DCUN1D2: variants seen among roughly 807,000 people sequenced by gnomAD.
The protein encoded by DCUN1D2 is defective in cullin neddylation 1 domain containing 2.
A neutral mutation model predicts 30.9 loss-of-function variants in DCUN1D2; 29 were observed. The observed-to-expected ratio is 0.94, with a 90% CI of 0.70 to 1.28. The LOEUF is 1.28. Ranked by LOEUF, DCUN1D2 falls within the 50% of genes most tolerant of loss-of-function variation. The pLI is 0.00. For synonymous variants in DCUN1D2, 121 were observed against 115.3 expected, an observed-to-expected ratio of 1.05 and a Z score of -0.32; for missense variants, 325 against 316.9, an observed-to-expected ratio of 1.03 and a Z score of -0.19.
chr13:113,490,714 AGGCGCGGCGGC>A, upstream of DCUN1D2: 1 of 1,193,778 alleles, frequency 8.4e-7, no homozygotes, highest in Middle Eastern at 3.4e-4. This position sits in a 1 kb window ranked among gnomAD's most constrained non-coding sequence, Gnocchi z 5.2. Flanking sequence ...CCTTCTGCGC[AGGCGCGGCGGC>A]GGCTCCGCCC....
chr13:113,480,701 T>G lies in DCUN1D2; in HGVS notation c.263A>C (p.Gln88Pro), dbSNP rs767490161. The change falls in exon 3 of 7, where the codon CAG becomes CCG. Residue 88 changes from glutamine (Q) to proline (P), a missense_variant. Physicochemically the swap from Gln to Pro is moderately conservative, Grantham distance 76. Transcript: ENST00000478244. ...ENKIGVDGIQ[Q>P]FCDDLSLDPA... ...ATCCAGGCTCAGATCATCACAAAAC[T>G]GTTGAATCCCATCGACTCCAATTTT... 6 of 1,614,110 alleles carry G rather than the reference T, an allele frequency of 3.7e-6. No homozygotes were observed. The Admixed American group carries it at 8.3e-5, about 22-fold the overall frequency.
intron 4 of DCUN1D2, among the ~76,000 whole-genome samples, chr13:113,468,615 T>C (rs9549803): frequency 0.25 from 37,208 of 151,318 alleles, 5,358 homozygotes; most frequent in South Asian, 0.43. Context: ...TCCATCAACC[T>C]CTCCTTCAGA....
chr13:113,487,168 TG>T (rs1273289817), intron 1 of DCUN1D2, among the ~76,000 whole-genome samples: 2 of 152,226 alleles, frequency 1.3e-5, no homozygotes, highest in African/African-American at 4.8e-5. Context: ...AGTCTTTTTA[TG>T]AAGTTGACAG....
At chr13:113,480,150 C>T (rs1384510724) in intron 3 of DCUN1D2, among the ~76,000 whole-genome samples, 1 of 152,146 alleles carries the variant, frequency 6.6e-6, no homozygotes, top group African/African-American at 2.4e-5. Context: ...AAGCCTTTAT[C>T]CCAATCCTGT....
intron 1 of DCUN1D2, among the ~76,000 whole-genome samples, chr13:113,489,789 A>C (rs1014528008): frequency 1.3e-5 from 2 of 151,858 alleles, no homozygotes; most frequent in Non-Finnish European, 2.9e-5. Context: ...TTTCCAGAGA[A>C]ATTCTCCACA....
chr13:113,490,812 G>T, upstream of DCUN1D2: 1 of 717,954 alleles, frequency 1.4e-6, no homozygotes, highest in Non-Finnish European at 1.8e-6. The surrounding 1 kb of genome is among the most constrained non-coding windows in gnomAD (Gnocchi z 5.2). Flanking sequence ...CTCCCGGCAT[G>T]CTCAGCGCCG....
In DCUN1D2 at chr13:113,488,317, G is replaced by C. The variant is rs1264091112; in HGVS notation, c.3+2350C>G. Among the ~76,000 whole-genome samples, 2 of 152,218 alleles carry C rather than the reference G, an allele frequency of 1.3e-5. No individual in the cohort carries two copies. The highest frequency in any genetic ancestry group is 2.9e-5 in the Non-Finnish European group (2 of 68,048). On this transcript the variant is annotated intron_variant, in intron 1 of 6. Coordinates refer to ENST00000478244, the MANE Select transcript of DCUN1D2 (RefSeq NM_001014283.2). This position sits in a 1 kb window ranked among gnomAD's most constrained non-coding sequence, Gnocchi z 4.3. ...GGAGCAAGAGAAGCTTTGGGGTCTA[G>C]GCTTAGTCCATTAACAGGCCTCTGG...
Position 113,488,435 on chromosome 13 carries a change from A to G in DCUN1D2, c.3+2232T>C, listed in dbSNP as rs1456015085. On this transcript the variant is annotated intron_variant, in intron 1 of 6. Transcript: ENST00000478244. The surrounding 1 kb of genome is among the most constrained non-coding windows in gnomAD (Gnocchi z 4.3). ...AAAGCAATGATCGATAGCTAAGTCT[A>G]AAGACTAGGTGCTTCATGTCCAAAA... 6.6e-6 allele frequency among the ~76,000 whole-genome samples: 1 copy of G among 152,252 alleles called. No individual in the cohort carries two copies. Among genetic ancestry groups the G allele is most frequent in the African/African-American group, 2.4e-5 (1 of 41,470 alleles).
rs562921445 is a variant in DCUN1D2, at chr13:113,481,684, G to A, written c.221-941C>T. 1.9e-4 allele frequency among the ~76,000 whole-genome samples: 29 copies of A among 152,188 alleles called. 2 individuals carry two copies. In the South Asian group the frequency reaches 2.5e-3, roughly 13 times the overall value. On this transcript the variant is annotated intron_variant, in intron 2 of 6. Transcript: ENST00000478244. ...GGATCACCTGAGCTCAGGAGTTCAAGACCAGCCTGGCCAACATGGCGAAAC... is the reference window on the plus strand; with the variant it reads ...GGATCACCTGAGCTCAGGAGTTCAAAACCAGCCTGGCCAACATGGCGAAAC...
At chr13:113,467,247 G>GT (rs1365520875) in intron 4 of DCUN1D2, among the ~76,000 whole-genome samples, 1 of 152,174 alleles carries the variant, frequency 6.6e-6, no homozygotes, top group East Asian at 1.9e-4. Context: ...CCCGTTTACT[G>GT]TATCTCTAGG....
Position 113,464,219 on chromosome 13 carries a change from T to G in DCUN1D2, c.521-3083A>C, listed in dbSNP as rs9604120. ...AAAACCAGTAATGCTTCCCATCCTATAGTGAATGATTCTGACAAACATTTC... is the reference window on the plus strand; with the variant it reads ...AAAACCAGTAATGCTTCCCATCCTAGAGTGAATGATTCTGACAAACATTTC... On this transcript the variant is annotated intron_variant, in intron 4 of 6. Transcript: ENST00000478244. Among the ~76,000 whole-genome samples the G allele has an allele frequency of 7.1e-3, 1,083 of 152,336 alleles. 9 individuals are homozygous for G. Among genetic ancestry groups the G allele is most frequent in the African/African-American group, 0.025 (1,038 of 41,568 alleles).
chr13:113,490,851 AC>A, upstream of DCUN1D2: 1 of 376,880 alleles, frequency 2.7e-6, no homozygotes. This position sits in a 1 kb window ranked among gnomAD's most constrained non-coding sequence, Gnocchi z 5.2. Flanking sequence ...CTCGCGCCCC[AC>A]AGCCCCTGCG....
chr13:113,471,973 G>A (rs923484773), intron 4 of DCUN1D2, among the ~76,000 whole-genome samples: 2 of 152,146 alleles, frequency 1.3e-5, no homozygotes, highest in African/African-American at 2.4e-5. Context: ...CTGTGTGCCT[G>A]GAAAACAAAG....
At chr13:113,459,211 C>T (rs186576238) in intron 6 of DCUN1D2, 101 bp downstream of exon 6, 36 of 711,522 alleles carry the variant, frequency 5.1e-5, no homozygotes, top group Admixed American at 4.4e-4. Flanking sequence ...ATTATGACCA[C>T]GCCCATCTCA....
intron 4 of DCUN1D2, chr13:113,463,132 A>T: frequency 6.0e-6 from 1 of 165,396 alleles, no homozygotes; most frequent in South Asian, 1.4e-4. Flanking sequence ...ACAACAACTC[A>T]GAATGGCAGG....
intron 1 of DCUN1D2, among the ~76,000 whole-genome samples, chr13:113,486,507 A>T (rs932860479): frequency 1.3e-5 from 2 of 152,174 alleles, no homozygotes; most frequent in Non-Finnish European, 2.9e-5. Flanking sequence ...GAAAACAAAA[A>T]ACAAACCCAA....
At chr13:113,486,199 G>T (rs1439206158) in intron 1 of DCUN1D2, among the ~76,000 whole-genome samples, 1 of 151,898 alleles carries the variant, frequency 6.6e-6, no homozygotes, top group East Asian at 1.9e-4. Context: ...GTCCTTTGCA[G>T]CAACATGGAT....
Position 113,458,108 on chromosome 13 carries a change from C to A in DCUN1D2, c.701G>T (p.Gly234Val). 6.2e-7 allele frequency: 1 copy of A among 1,614,024 alleles called. No individual in the cohort carries two copies. The highest frequency in any genetic ancestry group is 1.1e-5 in the South Asian group (1 of 91,076). Residue 234 changes from glycine (G) to valine (V), a missense_variant and splice_region_variant, in exon 7 of 7, where the codon GGA becomes GTA. Physicochemically the swap from Gly to Val is moderately radical, Grantham distance 109. Coordinates refer to ENST00000478244, the MANE Select transcript of DCUN1D2 (RefSeq NM_001014283.2). ...ATCATCTATAAGAACGGGCCAAGCTCCTAAAGGAAAGCAAGCAAACAGAAA... is the reference window on the plus strand; with the variant it reads ...ATCATCTATAAGAACGGGCCAAGCTACTAAAGGAAAGCAAGCAAACAGAAA... ...ADDMSNYDEE[G>V]AWPVLIDDFV... is the part of the protein sequence containing the mutation.
chr13:113,483,949 T>TA lies in DCUN1D2; in HGVS notation c.110dup (p.Asp38ArgfsTer41), dbSNP rs2044756310. ...GGAAGAAGCTGTCCGTGGCCTCGTC[T>TA]AGTCTCCACTCATTCTGCGTTAAGC... On this transcript the variant is annotated frameshift_variant, in exon 2 of 7. Coordinates refer to ENST00000478244, the MANE Select transcript of DCUN1D2 (RefSeq NM_001014283.2). LOFTEE classifies it high-confidence loss of function. The TA allele has an allele frequency of 6.2e-7, 1 of 1,614,228 alleles. No individual in the cohort carries two copies. The highest frequency in any genetic ancestry group is 8.5e-7 in the Non-Finnish European group (1 of 1,180,056).
Sources: allele counts gnomAD v4.1 joint callset (sites outside exome capture counted in the v4.1 genomes callset), GRCh38; gene constraint gnomAD v4.1.1; non-coding constraint Gnocchi (gnomAD v3.1); transcripts MANE v1.5; gene names NCBI Gene and HGNC (gene_info 2026-07-23, HGNC 2026-07-21).